The following STARD13 variants were observed in gnomAD, a reference collection of about 807,000 sequenced individuals.
The protein encoded by STARD13 is stAR-related lipid transfer protein 13.
A neutral mutation model predicts 106.4 loss-of-function variants in STARD13; 62 were observed. That is an observed-to-expected ratio of 0.58 (90% CI 0.48 to 0.72). STARD13 has a LOEUF of 0.72. Ranked by LOEUF, STARD13 falls within the 30% of genes least tolerant of loss-of-function variation. STARD13 has a pLI of 0.00. For missense variants in STARD13, 1,387 were observed against 1,424.0 expected (o/e 0.97, Z 0.42); for synonymous variants, 565 against 553.0 (o/e 1.02, Z -0.31).
At chr13:33,540,355 C>T in the STARD13 span, among the ~76,000 whole-genome samples, 3 of 152,170 alleles carry the variant, frequency 2.0e-5, no homozygotes, top group African/African-American at 7.2e-5. Context: ...GCCAGTATCA[C>T]TACTATTGGG....
the STARD13 span, among the ~76,000 whole-genome samples, chr13:33,671,371 T>A: frequency 9.2e-5 from 14 of 152,384 alleles, no homozygotes; most frequent in African/African-American, 3.4e-4. Context: ...CCTTCTTGAA[T>A]AGGATTATGT....
At chr13:33,397,928 G>A in the STARD13 span, among the ~76,000 whole-genome samples, 1 of 152,216 alleles carries the variant, frequency 6.6e-6, no homozygotes. Context: ...CTGCCCCCAT[G>A]AGCTAAACAC....
the STARD13 span, among the ~76,000 whole-genome samples, chr13:33,565,386 ATAAT>A: frequency 6.8e-6 from 1 of 148,120 alleles, no homozygotes; most frequent in African/African-American, 2.5e-5. Flanking sequence ...AAGGTGATAA[ATAAT>A]TACCCAAATT....
the STARD13 span, among the ~76,000 whole-genome samples, chr13:33,445,469 A>T: frequency 4.5e-3 from 684 of 152,290 alleles, 6 homozygotes; most frequent in African/African-American, 0.014. Flanking sequence ...AGTATATGGG[A>T]TATATTACAC....
the STARD13 span, among the ~76,000 whole-genome samples, chr13:33,526,533 G>T: frequency 6.6e-6 from 1 of 151,922 alleles, no homozygotes; most frequent in Admixed American, 6.6e-5. Flanking sequence ...GTTGACTTTT[G>T]TAGCCACCAT....
chr13:33,283,768 A>T (rs1376095392), intron 1 of STARD13, among the ~76,000 whole-genome samples: 1 of 152,232 alleles, frequency 6.6e-6, no homozygotes, highest in African/African-American at 2.4e-5. Flanking sequence ...GAGGGTGCCC[A>T]TATGTCTGTG....
intron 1 of STARD13, among the ~76,000 whole-genome samples, chr13:33,212,983 G>C (rs1282692013): frequency 6.6e-6 from 1 of 152,158 alleles, no homozygotes; most frequent in Non-Finnish European, 1.5e-5. Context: ...CTACGTTCTT[G>C]TTTTGAAGCA....
the STARD13 span, among the ~76,000 whole-genome samples, chr13:33,647,106 A>AATG: frequency 6.6e-6 from 1 of 152,154 alleles, no homozygotes; most frequent in Non-Finnish European, 1.5e-5. Context: ...GCATTTTACT[A>AATG]ATGTTTGACT....
chr13:33,106,241 G>A (rs748683492), intron 13 of STARD13, among the ~76,000 whole-genome samples: 23 of 152,154 alleles, frequency 1.5e-4, no homozygotes, highest in Middle Eastern at 3.2e-3. Context: ...CCAACATGGC[G>A]AGGCCCTGTC....
chr13:33,226,578 T>TCATG lies in STARD13; in HGVS notation c.169+58888_169+58891dup, dbSNP rs371188117. Among the ~76,000 whole-genome samples, 659 of 151,934 alleles carry TCATG rather than the reference T, an allele frequency of 4.3e-3. 7 individuals are homozygous for TCATG. The highest frequency in any genetic ancestry group is 0.015 in the African/African-American group (628 of 41,444). The stretch of plus-strand genomic sequence containing the variant: ...GCCTCCTGAGTAGCTGGGATTATAG[T>TCATG]CATGCATCACCACACCTCGCTAATT... On this transcript the variant is annotated intron_variant, in intron 1 of 13. Transcript: ENST00000336934.
the STARD13 span, among the ~76,000 whole-genome samples, chr13:33,542,892 C>T: frequency 1.3e-5 from 2 of 152,176 alleles, no homozygotes; most frequent in East Asian, 1.9e-4. Context: ...CGGAACCTTC[C>T]AGAGAAACCG....
chr13:33,165,322 C>T lies in STARD13; in HGVS notation c.323+15G>A, dbSNP rs79458853. 1.8e-3 allele frequency: 2,845 copies of T among 1,598,460 alleles called. 50 individuals are homozygous for T. In the African/African-American group the frequency reaches 0.032, roughly 18 times the overall value. On this transcript the variant is annotated intron_variant, in intron 3 of 13. Coordinates refer to ENST00000336934, the MANE Select transcript of STARD13 (RefSeq NM_178006.4). ...TGAACAGTGGAAAGAAACAAAAATACTTCACATGGTTTACCTGCAAAGAGG... is the reference window on the plus strand; with the variant it reads ...TGAACAGTGGAAAGAAACAAAAATATTTCACATGGTTTACCTGCAAAGAGG...
At position 33,127,519 on chromosome 13, in the gene STARD13, C is replaced by G. The variant is rs372169714; in HGVS notation, c.1776G>C (p.Leu592=). Residue 592 remains leucine, a synonymous_variant, in exon 6 of 14, where the codon CTG becomes CTC. Coordinates refer to ENST00000336934, the MANE Select transcript of STARD13 (RefSeq NM_178006.4). ...NRRLRWNSFQ[L]SHQPRPAPAS... is the part of the protein sequence containing the mutation. ...CTGGGGCCGGCCGGGGCTGGTGCGA[C>G]AGCTGGAAACTGTTCCATCGGAGTC... 3 of 1,561,982 alleles carry G rather than the reference C, an allele frequency of 1.9e-6. No individual in the cohort carries two copies. The highest frequency in any genetic ancestry group is 2.6e-6 in the Non-Finnish European group (3 of 1,161,390).
chr13:33,451,664 T>G, the STARD13 span, among the ~76,000 whole-genome samples: 1 of 152,166 alleles, frequency 6.6e-6, no homozygotes, highest in Admixed American at 6.6e-5. Context: ...ATGTGGAATA[T>G]CAATGATGTT....
intron 12 of STARD13, among the ~76,000 whole-genome samples, chr13:33,108,175 CAA>C (rs1238310903): frequency 1.3e-5 from 2 of 152,216 alleles, no homozygotes; most frequent in Admixed American, 1.3e-4. Context: ...ACATGAGAGA[CAA>C]ATGCAGCAAT....
the STARD13 span, among the ~76,000 whole-genome samples, chr13:33,387,979 T>C: frequency 6.6e-6 from 1 of 152,206 alleles, no homozygotes; most frequent in Non-Finnish European, 1.5e-5. Context: ...GGCCATATGG[T>C]GGTCTTTCCT....
the STARD13 span, among the ~76,000 whole-genome samples, chr13:33,586,524 A>G: frequency 6.6e-6 from 1 of 152,336 alleles, no homozygotes; most frequent in South Asian, 2.1e-4. Flanking sequence ...TGGATTTCCA[A>G]TTCTCAATAC....
intron 1 of STARD13, among the ~76,000 whole-genome samples, chr13:33,321,655 G>C (rs536890500): frequency 6.6e-6 from 1 of 152,084 alleles, no homozygotes; most frequent in African/African-American, 2.4e-5. Context: ...AACTGAGGTC[G>C]AGTGGTGAAG....
chr13:33,541,443 A>G, the STARD13 span, among the ~76,000 whole-genome samples: 1 of 152,156 alleles, frequency 6.6e-6, no homozygotes, highest in African/African-American at 2.4e-5. Flanking sequence ...TGATATTGCA[A>G]TATCCCCCTA....
Sources: gnomAD v4.1 joint callset for allele counts (sites outside exome capture counted in the v4.1 genomes callset) on GRCh38, gnomAD v4.1.1 for gene constraint, MANE v1.5 for transcripts, NCBI Gene and HGNC (gene_info 2026-07-23, HGNC 2026-07-21) for gene names.